The following EDIL3 variants were observed in gnomAD, a reference collection of about 807,000 sequenced individuals.
The protein encoded by EDIL3 is EGF-like repeat and discoidin I-like domain-containing protein 3.
EDIL3 carries 37 observed loss-of-function variants against 67.4 expected under a neutral mutation model. That is an observed-to-expected ratio of 0.55 (90% CI 0.42 to 0.72). The LOEUF (loss-of-function observed/expected upper bound fraction) is 0.72. EDIL3 is among the 30% of genes least tolerant of loss of function. EDIL3 has a pLI of 0.00. For synonymous variants in EDIL3, 195 were observed against 196.3 expected (o/e 0.99, Z 0.05); for missense variants, 527 against 586.3 (o/e 0.90, Z 1.04).
chr5:84,149,499 T>A (rs1422311286), intron 4 of EDIL3, among the ~76,000 whole-genome samples: 2 of 152,066 alleles, frequency 1.3e-5, no homozygotes, highest in African/African-American at 4.8e-5. Context: ...ACCTAACGAA[T>A]CTTATAAGCA....
chr5:84,286,963 TA>T (rs1745818753), intron 1 of EDIL3, among the ~76,000 whole-genome samples: 2 of 151,386 alleles, frequency 1.3e-5, no homozygotes, highest in Non-Finnish European at 2.9e-5. Flanking sequence ...GTCTAGTAGG[TA>T]AAAACCTCTT....
At chr5:84,033,915 T>A (rs964815053) in intron 9 of EDIL3, among the ~76,000 whole-genome samples, 1 of 151,894 alleles carries the variant, frequency 6.6e-6, no homozygotes, top group African/African-American at 2.4e-5. Context: ...ACAACAAAGA[T>A]AGGAAACTCT....
chr5:84,017,428 A>G (rs78278133), intron 9 of EDIL3, among the ~76,000 whole-genome samples: 2,590 of 152,296 alleles, frequency 0.017, 32 homozygotes, highest in Non-Finnish European at 0.026. Flanking sequence ...TAGGATCACA[A>G]TAACCTGAAC....
Position 84,090,035 on chromosome 5 carries a change from G to A in EDIL3, c.651+16614C>T, listed in dbSNP as rs2269291. Among the ~76,000 whole-genome samples the A allele has an allele frequency of 3.8e-3, 581 of 152,214 alleles. 27 individuals are homozygous for A. In the East Asian group the frequency reaches 0.099, roughly 26 times the overall value. On this transcript the variant is annotated intron_variant, in intron 6 of 10. Coordinates refer to ENST00000296591, the MANE Select transcript of EDIL3 (RefSeq NM_005711.5). ...TTAACAGTAAAACATTTAAAGCCTG[G>A]TCTTATGAGGTTGTGAATATTTTCA...
At chr5:84,218,802 G>C (rs896063066) in intron 3 of EDIL3, among the ~76,000 whole-genome samples, 1 of 152,190 alleles carries the variant, frequency 6.6e-6, no homozygotes, top group Non-Finnish European at 1.5e-5. Context: ...CTGGGGCAGT[G>C]GTGGCCATGG....
At chr5:84,060,621 A>T in intron 8 of EDIL3, 137 bp from the exon 9 acceptor site, 1 of 916,982 alleles carries the variant, frequency 1.1e-6, no homozygotes, top group South Asian at 1.9e-5. Flanking sequence ...TAAATCCAAA[A>T]AAAAGCTATA....
chr5:83,977,446 G>C (rs1744894621), intron 9 of EDIL3, among the ~76,000 whole-genome samples: 1 of 151,730 alleles, frequency 6.6e-6, no homozygotes, highest in African/African-American at 2.4e-5. Context: ...GTGCCAGGAA[G>C]TCATGGTTTA....
At chr5:83,964,625 AG>A (rs1311704138) in intron 9 of EDIL3, among the ~76,000 whole-genome samples, 1 of 152,034 alleles carries the variant, frequency 6.6e-6, no homozygotes, top group East Asian at 1.9e-4. Flanking sequence ...CCATCAGCAA[AG>A]GTGTGAAACA....
intron 6 of EDIL3, 148 bp from the exon 7 acceptor site, chr5:84,066,754 G>T: frequency 1.9e-6 from 2 of 1,044,746 alleles, no homozygotes; most frequent in Non-Finnish European, 2.7e-6. Flanking sequence ...TTTACAATAG[G>T]CATATATTAA....
At chr5:84,068,611 A>G (rs997893493) in intron 6 of EDIL3, among the ~76,000 whole-genome samples, 3 of 152,192 alleles carry the variant, frequency 2.0e-5, no homozygotes, top group African/African-American at 7.2e-5. Flanking sequence ...GCAGTTAGTT[A>G]AGCATCACCC....
chr5:84,113,661 A>G (rs886071524), intron 5 of EDIL3, among the ~76,000 whole-genome samples: 2 of 152,214 alleles, frequency 1.3e-5, no homozygotes, highest in African/African-American at 2.4e-5. Context: ...CAGTGCCTCA[A>G]GATGTCTCGC....
intron 2 of EDIL3, among the ~76,000 whole-genome samples, chr5:84,234,145 C>T (rs970525291): frequency 1.4e-4 from 22 of 152,148 alleles, no homozygotes; most frequent in African/African-American, 5.1e-4. Flanking sequence ...GCAGCTGAGA[C>T]CAGAAGTACA....
At chr5:83,961,645 T>A (rs1189485333) in intron 10 of EDIL3, among the ~76,000 whole-genome samples, 3 of 151,132 alleles carry the variant, frequency 2.0e-5, no homozygotes, top group African/African-American at 7.3e-5. Flanking sequence ...TAAAATTAAT[T>A]TCAAGCCTGT....
rs186668830 is a variant in EDIL3, at chr5:84,054,136, A to C, written c.1137+6164T>G. On this transcript the variant is annotated intron_variant, in intron 9 of 10. Transcript: ENST00000296591. ...TGATCAAGTGGGCTTCATCCCTGGG[A>C]TGCAAGGCTGGTTCAACATATGCAA... Among the ~76,000 whole-genome samples the C allele has an allele frequency of 2.2e-3, 342 of 152,348 alleles. 2 individuals carry two copies. The highest frequency in any genetic ancestry group is 0.019 in the Admixed American group (293 of 15,290).
intron 1 of EDIL3, among the ~76,000 whole-genome samples, chr5:84,359,110 T>C (rs959829112): frequency 6.6e-6 from 1 of 152,176 alleles, no homozygotes; most frequent in Non-Finnish European, 1.5e-5. Flanking sequence ...CAAATCAAGA[T>C]AAACATTTTA....
At chr5:84,188,628 T>C (rs1246970678) in intron 3 of EDIL3, among the ~76,000 whole-genome samples, 10 of 151,458 alleles carry the variant, frequency 6.6e-5, no homozygotes, top group Admixed American at 5.3e-4. Flanking sequence ...TATTCGGAGA[T>C]AGGACTTTTT....
chr5:84,290,571 GAAGA>G (rs1319255286), intron 1 of EDIL3, among the ~76,000 whole-genome samples: 2 of 152,132 alleles, frequency 1.3e-5, no homozygotes, highest in Non-Finnish European at 2.9e-5. Flanking sequence ...CCTGTACCAG[GAAGA>G]AAGAAATATT....
At chr5:84,299,833 T>C (rs1045258469) in intron 1 of EDIL3, among the ~76,000 whole-genome samples, 3 of 152,218 alleles carry the variant, frequency 2.0e-5, no homozygotes, top group Non-Finnish European at 2.9e-5. Context: ...AGCCACCTAA[T>C]AAGTACCAAT....
chr5:83,983,833 T>C (rs1745013497), intron 9 of EDIL3, among the ~76,000 whole-genome samples: 2 of 147,580 alleles, frequency 1.4e-5, no homozygotes, highest in Admixed American at 6.9e-5. Flanking sequence ...CATACAGGAA[T>C]AGGAATGGGT....
Sources: gnomAD v4.1 joint callset for allele counts (sites outside exome capture counted in the v4.1 genomes callset) on GRCh38, gnomAD v4.1.1 for gene constraint, MANE v1.5 for transcripts, NCBI Gene and HGNC (gene_info 2026-07-23, HGNC 2026-07-21) for gene names.